Variants in SMYD4 observed in about 807,000 individuals in gnomAD.
SMYD4 encodes SET and MYND domain containing 4, also known as protein-lysine N-methyltransferase SMYD4.
In SMYD4, 68 loss-of-function variants were observed where a neutral mutation model predicts 72.8. The ratio of observed to expected loss-of-function variants is 0.93; its 90% CI spans 0.77 to 1.14. The LOEUF (loss-of-function observed/expected upper bound fraction) is 1.14, where lower values mean the gene tolerates loss of function less well. SMYD4 is among the 50% of genes most tolerant of loss of function. The pLI is 0.00. For synonymous variants in SMYD4, 407 were observed against 388.6 expected (o/e 1.05, Z -0.56); for missense variants, 984 against 1,003.7 (o/e 0.98, Z 0.27).
At chr17:1,813,977 A>C (rs1910459065) in intron 2 of SMYD4, among the ~76,000 whole-genome samples, 1 of 152,168 alleles carries the variant, frequency 6.6e-6, no homozygotes, top group African/African-American at 2.4e-5. Context: ...GGAAACTAAA[A>C]ATTATCTTAA....
intron 6 of SMYD4, among the ~76,000 whole-genome samples, chr17:1,787,209 A>T (rs7213760): frequency 0.055 from 8,388 of 152,318 alleles, 771 homozygotes; most frequent in African/African-American, 0.19. Flanking sequence ...TATAGTGATT[A>T]AACAGCGAGA....
intron 8 of SMYD4, chr17:1,784,013 A>T (rs1446729627): frequency 5.6e-6 from 2 of 359,212 alleles, no homozygotes; most frequent in East Asian, 5.0e-5. Context: ...AAAATAAATG[A>T]CACTCAACTT....
intron 7 of SMYD4, among the ~76,000 whole-genome samples, 175 bp downstream of exon 7, chr17:1,786,635 T>G (rs978974326): frequency 2.2e-4 from 33 of 152,204 alleles, no homozygotes; most frequent in African/African-American, 8.0e-4. Flanking sequence ...ATTGAACCTT[T>G]CCCTGTGGTT....
chr17:1,828,455 C>T, intron 1 of SMYD4, among the ~76,000 whole-genome samples: 1 of 151,916 alleles, frequency 6.6e-6, no homozygotes, highest in East Asian at 1.9e-4. Context: ...AAGGAAGGAT[C>T]TATATTTTCT....
At position 1,800,636 on chromosome 17, in the gene SMYD4, A is replaced by G. The variant is rs771592261; in HGVS notation, c.758T>C (p.Ile253Thr). 1.2e-6 allele frequency: 2 copies of G among 1,614,188 alleles called. No homozygotes were observed. Among genetic ancestry groups the G allele is most frequent in the South Asian group, 1.1e-5 (1 of 91,086 alleles). Residue 253 changes from isoleucine to threonine, a missense_variant, in exon 5 of 11, where the codon ATT (isoleucine) becomes ACT (threonine). Ile to Thr is a moderately conservative substitution (Grantham distance 89). Coordinates refer to ENST00000305513, the MANE Select transcript of SMYD4 (RefSeq NM_052928.3). Reference protein sequence around the residue: ...KGRCLVATKDILPGELLVQED... With the variant: ...KGRCLVATKDTLPGELLVQED... ...CTGCACCAGGAGCTCTCCTGGGAGA[A>G]TATCTTTTGTGGCAACGAGACAGCG...
In SMYD4 at chr17:1,800,603, G is replaced by A; in HGVS notation, c.791C>T (p.Ala264Val). 1 of 1,614,106 alleles carries A rather than the reference G, an allele frequency of 6.2e-7. No individual in the cohort carries two copies. Among genetic ancestry groups the A allele is most frequent in the Non-Finnish European group, 8.5e-7 (1 of 1,179,984 alleles). The change falls in exon 5 of 11, where the codon GCT (alanine) becomes GTT (valine). Residue 264 changes from alanine (A) to valine (V), a missense_variant. Transcript: ENST00000305513. Reference protein sequence around the residue: ...LPGELLVQEDAFVSVLNPGEL... With the variant: ...LPGELLVQEDVFVSVLNPGEL... ...TCCTGGGTTGAGAACACTCACAAAA[G>A]CATCCTCCTGCACCAGGAGCTCTCC... is the stretch of plus-strand genomic sequence containing the variant.
chr17:1,825,419 A>G (rs1301343776), intron 2 of SMYD4, among the ~76,000 whole-genome samples: 1 of 152,054 alleles, frequency 6.6e-6, no homozygotes, highest in East Asian at 1.9e-4. Context: ...AAAACAATGA[A>G]CATTTTTATC....
rs1348586625 is a variant in SMYD4, at chr17:1,800,860, G to A, written c.534C>T (p.Ala178=). 9 of 1,614,034 alleles carry A rather than the reference G, an allele frequency of 5.6e-6. No individual in the cohort carries two copies. Among genetic ancestry groups the A allele is most frequent in the Non-Finnish European group, 7.6e-6 (9 of 1,180,036 alleles). Residue 178 remains alanine (A), a synonymous_variant, in exon 5 of 11, where the codon GCC becomes GCT. Coordinates refer to ENST00000305513, the MANE Select transcript of SMYD4 (RefSeq NM_052928.3). ...GAGTCTGAGGGAGGACATCTGCTAG[G>A]GCTGGTGTGGCTGTGAAGTTCCTTT... ...DLERNFTATP[A]LADVLPQTLQ...
At chr17:1,827,003 G>A (rs1911214000) in intron 2 of SMYD4, among the ~76,000 whole-genome samples, 2 of 151,828 alleles carry the variant, frequency 1.3e-5, no homozygotes, top group Admixed American at 6.6e-5. Flanking sequence ...ATACAAAAAT[G>A]TGAGCTGGGC....
chr17:1,798,587 T>A (rs750659018), intron 5 of SMYD4, among the ~76,000 whole-genome samples: 4 of 151,628 alleles, frequency 2.6e-5, no homozygotes, highest in Non-Finnish European at 5.9e-5. Flanking sequence ...ACATAGCAAG[T>A]CCTCATCTCT....
In SMYD4 at chr17:1,780,510, C is replaced by A. The variant is rs11867211; in HGVS notation, c.*776G>T. ...GGGATTACAGGTGTGAGCCTCTACACTGGGCCTGCAGAACCTACACAGAAT... is the reference window on the plus strand; with the variant it reads ...GGGATTACAGGTGTGAGCCTCTACAATGGGCCTGCAGAACCTACACAGAAT... On this transcript the variant is annotated 3_prime_UTR_variant, in exon 11 of 11. Coordinates refer to ENST00000305513, the MANE Select transcript of SMYD4 (RefSeq NM_052928.3). 8 of 152,206 alleles carry A rather than the reference C, an allele frequency of 5.3e-5. No individual in the cohort carries two copies. The highest frequency in any genetic ancestry group is 1.9e-4 in the African/African-American group (8 of 41,422). The allele number at this position is 152,206 out of a possible 1,614,324, so 9.4% of individuals were successfully genotyped here.
chr17:1,801,160 A>T (rs1270588074), intron 4 of SMYD4, 136 bp from the exon 5 acceptor site: 1 of 736,944 alleles, frequency 1.4e-6, no homozygotes, highest in African/African-American at 1.8e-5. Flanking sequence ...GCTTATTAAA[A>T]TCATATAGTT....
chr17:1,783,339 A>T, intron 9 of SMYD4, 21 bp downstream of exon 9: 1 of 1,611,654 alleles, frequency 6.2e-7, no homozygotes, highest in Non-Finnish European at 8.5e-7. Context: ...CCGACGCAGA[A>T]CGTGAAGGCT....
intron 2 of SMYD4, among the ~76,000 whole-genome samples, chr17:1,817,676 T>G (rs890137888): frequency 4.7e-4 from 71 of 152,192 alleles, no homozygotes; most frequent in African/African-American, 1.7e-3. Context: ...TTATTTTTTT[T>G]GTTGTTGCCT....
At chr17:1,825,793 G>A (rs1011101238) in intron 2 of SMYD4, among the ~76,000 whole-genome samples, 14 of 151,526 alleles carry the variant, frequency 9.2e-5, no homozygotes, top group Admixed American at 7.2e-4. Flanking sequence ...ATGAGCCACC[G>A]CACCCAACCT....
At chr17:1,801,642 A>C (rs1426045735) in intron 4 of SMYD4, among the ~76,000 whole-genome samples, 1 of 151,082 alleles carries the variant, frequency 6.6e-6, no homozygotes, top group African/African-American at 2.4e-5. Flanking sequence ...AAAAAAAAAA[A>C]AAAAGAGGCA....
chr17:1,790,977 A>G (rs796349506), intron 5 of SMYD4, among the ~76,000 whole-genome samples: 72 of 151,560 alleles, frequency 4.8e-4, no homozygotes, highest in African/African-American at 1.6e-3. Context: ...ATACAAAAAA[A>G]TTAGCCGGGC....
chr17:1,783,316 C>G, intron 9 of SMYD4, 44 bp downstream of exon 9: 1 of 1,611,062 alleles, frequency 6.2e-7, no homozygotes, highest in Non-Finnish European at 8.5e-7. Flanking sequence ...GAAGTGCCCA[C>G]AGCAGACTGT....
chr17:1,807,286 C>G (rs1312505350), intron 3 of SMYD4, among the ~76,000 whole-genome samples: 3 of 151,456 alleles, frequency 2.0e-5, no homozygotes, highest in Non-Finnish European at 4.4e-5. Flanking sequence ...TTGATACATC[C>G]ATTTAATGGA....
Sources: gnomAD v4.1 joint callset for allele counts (sites outside exome capture counted in the v4.1 genomes callset) on GRCh38, gnomAD v4.1.1 for gene constraint, MANE v1.5 for transcripts, NCBI Gene and HGNC (gene_info 2026-07-23, HGNC 2026-07-21) for gene names.